The following GRID2 variants were observed in gnomAD, a reference collection of about 807,000 sequenced individuals.
GRID2 encodes glutamate ionotropic receptor delta type subunit 2, also known as glutamate receptor ionotropic, delta-2.
A neutral mutation model predicts 114.8 loss-of-function variants in GRID2; 33 were observed. The observed-to-expected ratio is 0.29, with a 90% CI of 0.22 to 0.38. The LOEUF (loss-of-function observed/expected upper bound fraction) is 0.38. Among genes scored for constraint, GRID2 ranks in the 10% least tolerant of loss-of-function variants. The probability of loss-of-function intolerance (pLI) is 1.00; values close to 1 mark genes in which losing one functional copy is unlikely to be tolerated. For synonymous variants in GRID2, 505 were observed against 449.9 expected, an observed-to-expected ratio of 1.12 and a Z score of -1.55; for missense variants, 1,184 against 1,257.7, an observed-to-expected ratio of 0.94 and a Z score of 0.89.
intron 13 of GRID2, among the ~76,000 whole-genome samples, chr4:93,526,856 C>CA (rs1276707440): frequency 1.3e-5 from 2 of 152,026 alleles, no homozygotes; most frequent in African/African-American, 4.8e-5. Context: ...GAGACATCTG[C>CA]AAAAATCACA....
intron 4 of GRID2, among the ~76,000 whole-genome samples, chr4:93,129,351 T>G (rs538819607): frequency 1.7e-4 from 26 of 152,258 alleles, no homozygotes; most frequent in African/African-American, 3.6e-4. Flanking sequence ...ATACTGTTTT[T>G]TTTGTTTGTT....
At chr4:92,624,046 C>G (rs78785028) in intron 2 of GRID2, among the ~76,000 whole-genome samples, 3,760 of 151,846 alleles carry the variant, frequency 0.025, 64 homozygotes, top group Non-Finnish European at 0.036. Flanking sequence ...GATAATTATT[C>G]TTTTCTACTT....
In GRID2 at chr4:93,333,466, T is replaced by C. The variant is rs77831635; in HGVS notation, c.1246-62141T>C. On this transcript the variant is annotated intron_variant, in intron 8 of 15. Coordinates refer to ENST00000282020, the MANE Select transcript of GRID2 (RefSeq NM_001510.4). ...CTTTACAAACAGTAACTTCCCACCA[T>C]ACATTTTTTTAAAATCACATGTGGC... Among the ~76,000 whole-genome samples the C allele has an allele frequency of 4.7e-3, 713 of 152,290 alleles. 3 individuals carry two copies. The highest frequency in any genetic ancestry group is 0.016 in the African/African-American group (669 of 41,572).
chr4:93,151,779 A>G (rs992452102), intron 4 of GRID2, among the ~76,000 whole-genome samples: 2 of 152,132 alleles, frequency 1.3e-5, no homozygotes, highest in Non-Finnish European at 2.9e-5. Context: ...GTTTCTGGAG[A>G]AAAAATGATT....
intron 2 of GRID2, among the ~76,000 whole-genome samples, chr4:92,909,650 G>T (rs987207288): frequency 6.6e-6 from 1 of 152,056 alleles, no homozygotes; most frequent in African/African-American, 2.4e-5. Flanking sequence ...AATATTCAAA[G>T]TGTAAAAATG....
chr4:92,315,741 C>T (rs866310778), intron 1 of GRID2, among the ~76,000 whole-genome samples: 3 of 151,894 alleles, frequency 2.0e-5, no homozygotes, highest in Non-Finnish European at 4.4e-5. Flanking sequence ...GAGGCTGAGG[C>T]GGGTGGATCA....
chr4:92,647,188 ATGATAG>A (rs1731688662), intron 2 of GRID2, among the ~76,000 whole-genome samples: 1 of 152,192 alleles, frequency 6.6e-6, no homozygotes, highest in East Asian at 1.9e-4. Flanking sequence ...AGATAAAATC[ATGATAG>A]TGTCTGCTGA....
intron 2 of GRID2, among the ~76,000 whole-genome samples, chr4:92,619,400 A>G (rs912722198): frequency 6.6e-6 from 1 of 151,730 alleles, no homozygotes; most frequent in Non-Finnish European, 1.5e-5. Flanking sequence ...AGAGTTTATC[A>G]AGGACCACTG....
chr4:92,870,279 C>G (rs758864123), intron 2 of GRID2, among the ~76,000 whole-genome samples: 7 of 151,778 alleles, frequency 4.6e-5, no homozygotes, highest in Non-Finnish European at 1.0e-4. Context: ...CACACACACA[C>G]ACACACACAC....
intron 13 of GRID2, among the ~76,000 whole-genome samples, chr4:93,582,643 C>T (rs1737094061): frequency 6.6e-6 from 1 of 151,976 alleles, no homozygotes; most frequent in African/African-American, 2.4e-5. Flanking sequence ...CTGACACTTA[C>T]AAAATGTATT....
chr4:93,398,133 GTATA>G (rs1553923238), intron 9 of GRID2, among the ~76,000 whole-genome samples: 1 of 122,312 alleles, frequency 8.2e-6, no homozygotes, highest in Admixed American at 7.7e-5. Flanking sequence ...ATGTGTGTGT[GTATA>G]TATATATATA....
intron 13 of GRID2, among the ~76,000 whole-genome samples, chr4:93,615,832 G>A (rs1343814988): frequency 6.6e-6 from 1 of 151,922 alleles, no homozygotes; most frequent in Middle Eastern, 3.2e-3. Context: ...CAACACAGGT[G>A]CAGTCAGTTC....
intron 4 of GRID2, among the ~76,000 whole-genome samples, chr4:93,141,568 A>G (rs1735771785): frequency 1.3e-5 from 2 of 152,256 alleles, no homozygotes; most frequent in African/African-American, 2.4e-5. Flanking sequence ...TGAAAAAAAA[A>G]GTCTTTAAAT....
intron 1 of GRID2, among the ~76,000 whole-genome samples, chr4:93,786,363 G>A (rs1734592092): frequency 6.6e-6 from 1 of 152,170 alleles, no homozygotes; most frequent in African/African-American, 2.4e-5. Context: ...GATCCCAGGA[G>A]GGTGTTTGTT....
intron 14 of GRID2, among the ~76,000 whole-genome samples, chr4:93,707,843 T>C (rs990189615): frequency 6.6e-6 from 1 of 152,000 alleles, no homozygotes; most frequent in Non-Finnish European, 1.5e-5. Context: ...AATCTTCCTC[T>C]TAGTATTACT....
chr4:92,580,280 A>G (rs1728117090), intron 1 of GRID2, among the ~76,000 whole-genome samples: 1 of 151,558 alleles, frequency 6.6e-6, no homozygotes, highest in Non-Finnish European at 1.5e-5. Context: ...TAATCAGTGG[A>G]TATCTGTAAA....
intron 8 of GRID2, among the ~76,000 whole-genome samples, chr4:93,248,610 G>A (rs547797383): frequency 1.3e-5 from 2 of 152,194 alleles, no homozygotes; most frequent in African/African-American, 2.4e-5. Flanking sequence ...CTATCTGGAC[G>A]CCTCAAGGGG....
intron 14 of GRID2, among the ~76,000 whole-genome samples, chr4:93,709,614 A>G (rs1230868905): frequency 1.3e-5 from 2 of 152,090 alleles, no homozygotes; most frequent in East Asian, 1.9e-4. Context: ...TTGAATATTG[A>G]TATCTTCCTC....
intron 13 of GRID2, among the ~76,000 whole-genome samples, chr4:93,530,315 A>G (rs1274477252): frequency 2.6e-5 from 4 of 152,150 alleles, no homozygotes; most frequent in Non-Finnish European, 1.5e-5. Flanking sequence ...AAAAGTCTCT[A>G]TAGGTTGGTA....
Sources: allele counts gnomAD v4.1 joint callset (sites outside exome capture counted in the v4.1 genomes callset), GRCh38; gene constraint gnomAD v4.1.1; transcripts MANE v1.5; gene names NCBI Gene and HGNC (gene_info 2026-07-23, HGNC 2026-07-21).